BCL2L14: variants seen among roughly 807,000 people sequenced by gnomAD.
BCL2L14 encodes BCL2 like 14.
BCL2L14 carries 27 observed loss-of-function variants against 35.3 expected under a neutral mutation model. The observed-to-expected ratio is 0.76, with a 90% CI of 0.56 to 1.05. The LOEUF (loss-of-function observed/expected upper bound fraction) is 1.05, where lower values mean the gene tolerates loss of function less well. Ranked by LOEUF, BCL2L14 falls within the 50% of genes least tolerant of loss-of-function variation. The pLI is 0.00. For synonymous variants in BCL2L14, 139 were observed against 145.9 expected, an observed-to-expected ratio of 0.95 and a Z score of 0.34; for missense variants, 377 against 382.6, an observed-to-expected ratio of 0.99 and a Z score of 0.12.
upstream of BCL2L14, chr12:12,068,126 T>C (rs1948615707): frequency 2.5e-6 from 1 of 398,282 alleles, no homozygotes; most frequent in African/African-American, 2.1e-5. Context: ...TATTTTTTTG[T>C]AGTGATGGGG....
At chr12:12,063,006 A>G (rs143734121) in intron 2 of BCL2L14, among the ~76,000 whole-genome samples, 18,764 of 152,248 alleles carry the variant, frequency 0.12, 1,423 homozygotes, top group Non-Finnish European at 0.17. Context: ...CTGTCCTCAG[A>G]ATGCTACAAG....
upstream of BCL2L14, among the ~76,000 whole-genome samples, chr12:12,067,592 G>T (rs1029202805): frequency 1.3e-5 from 2 of 152,108 alleles, no homozygotes; most frequent in African/African-American, 4.8e-5. Context: ...TATAGAGAGG[G>T]GGAGGGCAGA....
intron 5 of BCL2L14, among the ~76,000 whole-genome samples, chr12:12,096,939 C>T (rs1191146985): frequency 2.0e-5 from 3 of 151,982 alleles, no homozygotes; most frequent in Admixed American, 6.6e-5. Context: ...GTCAGGAGAT[C>T]GAGACCATCC....
At chr12:12,059,349 A>G (rs1252255091) in intron 2 of BCL2L14, among the ~76,000 whole-genome samples, 2 of 150,644 alleles carry the variant, frequency 1.3e-5, no homozygotes, top group Non-Finnish European at 3.0e-5. Context: ...CTTCACCCTT[A>G]GCGGCAAGTC....
At chr12:12,079,851 T>C in intron 2 of BCL2L14, 113 bp downstream of exon 2, 1 of 1,071,850 alleles carries the variant, frequency 9.3e-7, no homozygotes, top group Non-Finnish European at 1.3e-6. Context: ...GCATGCGTTG[T>C]GCCTCAGCTT....
At chr12:12,072,026 A>C (rs892910655) in intron 1 of BCL2L14, among the ~76,000 whole-genome samples, 1 of 152,152 alleles carries the variant, frequency 6.6e-6, no homozygotes, top group African/African-American at 2.4e-5. Flanking sequence ...TCAGGCCTCA[A>C]CTGTGTGTCC....
At chr12:12,083,802 G>A (rs756940068) in intron 2 of BCL2L14, among the ~76,000 whole-genome samples, 1 of 152,104 alleles carries the variant, frequency 6.6e-6, no homozygotes, top group Non-Finnish European at 1.5e-5. Flanking sequence ...ACAAAAATTA[G>A]CCAGGCGCCA....
intron 2 of BCL2L14, chr12:12,055,533 GC>G (rs1466361508): frequency 6.6e-6 from 1 of 152,206 alleles, no homozygotes; most frequent in African/African-American, 2.4e-5. Context: ...CAAGCCACCT[GC>G]AGTCCTCGGA....
chr12:12,062,022 T>G (rs536063490), intron 2 of BCL2L14, among the ~76,000 whole-genome samples: 1 of 152,102 alleles, frequency 6.6e-6, no homozygotes, highest in African/African-American at 2.4e-5. Flanking sequence ...CTAGCCCTCA[T>G]GTCTCCGTGC....
chr12:12,060,225 A>C (rs12426764), intron 2 of BCL2L14, among the ~76,000 whole-genome samples: 120,208 of 150,154 alleles, frequency 0.8, 48,325 homozygotes, highest in East Asian at 1. Flanking sequence ...CCAGCAATTT[A>C]CTCTTGAAAA....
upstream of BCL2L14, among the ~76,000 whole-genome samples, chr12:12,067,128 G>C (rs1948603634): frequency 6.6e-6 from 1 of 151,956 alleles, no homozygotes; most frequent in South Asian, 2.1e-4. Context: ...GCAGTGGTGT[G>C]ATCCCAGCTC....
intron 2 of BCL2L14, among the ~76,000 whole-genome samples, chr12:12,086,031 T>C (rs1052018891): frequency 6.6e-6 from 1 of 152,056 alleles, no homozygotes; most frequent in Admixed American, 6.6e-5. Context: ...AGGATTTAGG[T>C]TGGGTGTGGT....
At position 12,094,736 on chromosome 12, in the gene BCL2L14, G is replaced by A; in HGVS notation, c.751G>A (p.Asp251Asn). The A allele has an allele frequency of 6.2e-7, 1 of 1,614,206 alleles. No homozygotes were observed. The highest frequency in any genetic ancestry group is 8.5e-7 in the Non-Finnish European group (1 of 1,180,032). Residue 251 changes from aspartate (D) to asparagine (N), a missense_variant, in exon 5 of 6, where the codon GAC becomes AAC. Coordinates refer to ENST00000308721, the MANE Select transcript of BCL2L14 (RefSeq NM_138723.2). Reference protein sequence around the residue: ...LSYSVFKTITDQVLMGVDPRG... With the variant: ...LSYSVFKTITNQVLMGVDPRG... ...CTACTCTGTTTTCAAGACCATCACA[G>A]ACCAGGTCCTAATGGGTGTGGACCC...
intron 1 of BCL2L14, among the ~76,000 whole-genome samples, chr12:12,075,809 G>A (rs867852350): frequency 5.9e-5 from 9 of 151,908 alleles, no homozygotes; most frequent in African/African-American, 1.2e-4. Flanking sequence ...TGAAGAAACC[G>A]GCCATTTGTC....
upstream of BCL2L14, among the ~76,000 whole-genome samples, chr12:12,069,465 G>A (rs556255947): frequency 2.6e-5 from 4 of 152,062 alleles, no homozygotes; most frequent in Admixed American, 6.5e-5. Context: ...TTTGGGAGGT[G>A]GAGGCGGGCA....
At chr12:12,066,722 T>C (rs2416990), upstream of BCL2L14, among the ~76,000 whole-genome samples, 1 of 150,210 alleles carries the variant, frequency 6.7e-6, no homozygotes, top group Non-Finnish European at 1.5e-5. Flanking sequence ...ATTATTTTTT[T>C]TTTTTTTTTT....
intron 2 of BCL2L14, among the ~76,000 whole-genome samples, chr12:12,060,026 C>T (rs1452749355): frequency 1.3e-5 from 2 of 151,940 alleles, no homozygotes; most frequent in Non-Finnish European, 2.9e-5. Context: ...CAACCCCAAG[C>T]GTCGCCGAGT....
At chr12:12,067,724 T>C (rs560068169), upstream of BCL2L14, among the ~76,000 whole-genome samples, 4 of 152,310 alleles carry the variant, frequency 2.6e-5, 1 homozygote, top group African/African-American at 9.6e-5. Context: ...TTTTACGAGT[T>C]TTCTACAACA....
At chr12:12,071,587 C>T (rs904646642) in intron 1 of BCL2L14, 4 of 152,086 alleles carry the variant, frequency 2.6e-5, no homozygotes, top group Admixed American at 6.6e-5. Flanking sequence ...CTGAGTACCT[C>T]GTGGGAACTT....
Sources: allele counts gnomAD v4.1 joint callset (sites outside exome capture counted in the v4.1 genomes callset), GRCh38; gene constraint gnomAD v4.1.1; transcripts MANE v1.5; gene names NCBI Gene and HGNC (gene_info 2026-07-23, HGNC 2026-07-21).